AP4E1: variants seen among roughly 807,000 people sequenced by gnomAD.
AP4E1 encodes the protein adaptor related protein complex 4 subunit epsilon 1.
AP4E1 carries 56 observed loss-of-function variants against 128.2 expected under a neutral mutation model. The observed-to-expected ratio is 0.44, with a 90% CI of 0.35 to 0.55. The LOEUF is 0.55. Among genes scored for constraint, AP4E1 ranks in the 20% least tolerant of loss-of-function variants. AP4E1 has a pLI of 0.00. For missense variants in AP4E1, 1,324 were observed against 1,307.7 expected (o/e 1.01, Z -0.19); for synonymous variants, 484 against 473.1 (o/e 1.02, Z -0.30).
chr15:51,001,349 GA>G (rs1435597807), intron 20 of AP4E1, among the ~76,000 whole-genome samples, 166 bp downstream of exon 20: 1 of 152,054 alleles, frequency 6.6e-6, no homozygotes, highest in African/African-American at 2.4e-5. Context: ...TTTTTTATTG[GA>G]AAATATACAT....
intron 14 of AP4E1, among the ~76,000 whole-genome samples, chr15:50,962,640 TA>T (rs1170858169): frequency 6.6e-6 from 1 of 151,704 alleles, no homozygotes; most frequent in Non-Finnish European, 1.5e-5. Flanking sequence ...GATCCAAAAC[TA>T]TAAAACTACT....
At chr15:50,921,606 C>G (rs960331541) in intron 3 of AP4E1, among the ~76,000 whole-genome samples, 2 of 152,112 alleles carry the variant, frequency 1.3e-5, no homozygotes, top group Non-Finnish European at 2.9e-5. Flanking sequence ...CTGCCTCAGC[C>G]TCCCAAAGTG....
chr15:50,965,979 A>G (rs1486182735), intron 14 of AP4E1, among the ~76,000 whole-genome samples: 2 of 151,884 alleles, frequency 1.3e-5, no homozygotes, highest in Non-Finnish European at 2.9e-5. Flanking sequence ...GTGTAGTGGC[A>G]TGATCTTGGC....
Position 50,997,395 on chromosome 15 carries a change from G to A in AP4E1, c.2416G>A (p.Glu806Lys), listed in dbSNP as rs756384880. 47 of 1,606,366 alleles carry A rather than the reference G, an allele frequency of 2.9e-5. No homozygotes were observed. The highest frequency in any genetic ancestry group is 6.7e-5 in the African/African-American group (5 of 74,410). ...KSKVKEAKSG[E>K]TTSTHNMTCS... is the part of the protein sequence containing the mutation. Reference sequence around the variant, plus strand: ...AAAAGTCAAAGAAGCTAAAAGTGGCGAAACAACCAGTACTCATAATATGAC... The same window carrying A: ...AAAAGTCAAAGAAGCTAAAAGTGGCAAAACAACCAGTACTCATAATATGAC... Residue 806 changes from glutamate (E) to lysine (K), a missense_variant, in exon 18 of 21, where the codon GAA becomes AAA. Glu to Lys is a moderately conservative substitution (Grantham distance 56). Coordinates refer to ENST00000261842, the MANE Select transcript of AP4E1 (RefSeq NM_007347.5).
chr15:50,967,485 CAG>C (rs774932628), intron 14 of AP4E1, among the ~76,000 whole-genome samples: 1 of 152,310 alleles, frequency 6.6e-6, no homozygotes, highest in Non-Finnish European at 1.5e-5. Context: ...AAACAAGAAA[CAG>C]ATTCCCCTGG....
At chr15:50,968,587 T>C (rs1418715271) in intron 15 of AP4E1, among the ~76,000 whole-genome samples, 2 of 152,162 alleles carry the variant, frequency 1.3e-5, no homozygotes, top group African/African-American at 4.8e-5. Flanking sequence ...AGGCTCTCTA[T>C]CCACAAATAC....
chr15:50,984,868 T>C (rs1317304812), intron 16 of AP4E1, among the ~76,000 whole-genome samples: 4 of 152,114 alleles, frequency 2.6e-5, no homozygotes, highest in African/African-American at 9.7e-5. Flanking sequence ...TTCTAGATCC[T>C]TGAGGAATCA....
At chr15:50,943,561 G>C (rs1032506543) in intron 10 of AP4E1, among the ~76,000 whole-genome samples, 1 of 152,094 alleles carries the variant, frequency 6.6e-6, no homozygotes, top group Non-Finnish European at 1.5e-5. Context: ...TTATACAGCC[G>C]TTCTGCTTTA....
At chr15:50,907,574 T>G (rs2063501215), upstream of AP4E1, among the ~76,000 whole-genome samples, 1 of 152,102 alleles carries the variant, frequency 6.6e-6, no homozygotes, top group Non-Finnish European at 1.5e-5. Flanking sequence ...GAGAGCAAAT[T>G]GCATTAATCT....
At chr15:50,944,361 T>C (rs1015169544) in intron 10 of AP4E1, among the ~76,000 whole-genome samples, 1 of 152,168 alleles carries the variant, frequency 6.6e-6, no homozygotes, top group Non-Finnish European at 1.5e-5. Flanking sequence ...AGAAAAGACC[T>C]CTGGCAATAC....
rs28452210 is a variant in AP4E1 at position 50,946,497 on chromosome 15, T to C, written c.1177-1523T>C. ...TTACAAAACCATCAGTCTGCATTTATATAACTTTTATAAATAATATTATAA... is the reference window on the plus strand; with the variant it reads ...TTACAAAACCATCAGTCTGCATTTACATAACTTTTATAAATAATATTATAA... On this transcript the variant is annotated intron_variant, in intron 10 of 20. Coordinates refer to ENST00000261842, the MANE Select transcript of AP4E1 (RefSeq NM_007347.5). Among the ~76,000 whole-genome samples, 1,277 of 152,272 alleles carry C rather than the reference T, an allele frequency of 8.4e-3. 14 individuals are homozygous for C. The highest frequency in any genetic ancestry group is 0.018 in the African/African-American group (761 of 41,562).
intron 16 of AP4E1, among the ~76,000 whole-genome samples, chr15:50,985,330 A>C (rs1432830421): frequency 6.6e-6 from 1 of 151,968 alleles, no homozygotes. Flanking sequence ...CCCATTTGTC[A>C]ATTTTGGCTT....
chr15:50,942,019 T>A (rs1388513841), intron 10 of AP4E1, among the ~76,000 whole-genome samples: 2 of 152,082 alleles, frequency 1.3e-5, no homozygotes, highest in East Asian at 3.8e-4. Context: ...TGGGTTCAAG[T>A]GATTCTCGTG....
intron 3 of AP4E1, among the ~76,000 whole-genome samples, chr15:50,921,881 G>A (rs939564426): frequency 6.6e-6 from 1 of 151,966 alleles, no homozygotes; most frequent in Non-Finnish European, 1.5e-5. Flanking sequence ...GAAACAGTTG[G>A]GATATTATTC....
chr15:50,996,377 A>C (rs2064874943), intron 17 of AP4E1, among the ~76,000 whole-genome samples: 1 of 152,064 alleles, frequency 6.6e-6, no homozygotes, highest in Non-Finnish European at 1.5e-5. Context: ...ATCGAAAATA[A>C]CTACAGTAGT....
At chr15:50,990,174 G>T (rs7182957) in intron 16 of AP4E1, among the ~76,000 whole-genome samples, 3 of 151,578 alleles carry the variant, frequency 2.0e-5, no homozygotes, top group African/African-American at 7.3e-5. Flanking sequence ...AGGGCACACC[G>T]TAGAAAACCA....
intron 5 of AP4E1, among the ~76,000 whole-genome samples, chr15:50,927,402 T>C (rs1367307558): frequency 1.3e-5 from 2 of 152,156 alleles, no homozygotes; most frequent in African/African-American, 4.8e-5. Flanking sequence ...ATTCAACTTT[T>C]GAATCCCTGG....
At chr15:50,952,271 G>C (rs998142229) in intron 13 of AP4E1, among the ~76,000 whole-genome samples, 1 of 152,060 alleles carries the variant, frequency 6.6e-6, no homozygotes, top group Non-Finnish European at 1.5e-5. Flanking sequence ...AGCACTTTGG[G>C]ATGCCGAGGT....
intron 16 of AP4E1, among the ~76,000 whole-genome samples, chr15:50,985,552 A>G (rs1326247373): frequency 6.6e-6 from 1 of 152,158 alleles, no homozygotes; most frequent in Non-Finnish European, 1.5e-5. Context: ...TCCCAGCACC[A>G]TTTATTAAAT....
Sources: gnomAD v4.1 joint callset for allele counts (sites outside exome capture counted in the v4.1 genomes callset) on GRCh38, gnomAD v4.1.1 for gene constraint, MANE v1.5 for transcripts, NCBI Gene and HGNC (gene_info 2026-07-23, HGNC 2026-07-21) for gene names.